NUP210L: variants seen among roughly 807,000 people sequenced by gnomAD.
NUP210L encodes nuclear pore membrane glycoprotein 210-like.
In NUP210L, 74 loss-of-function variants were observed where a neutral mutation model predicts 208.5. The ratio of observed to expected loss-of-function variants is 0.35; its 90% CI spans 0.29 to 0.43. The LOEUF is 0.43. NUP210L is among the 20% of genes least tolerant of loss of function. The pLI, the probability that NUP210L is intolerant of heterozygous loss-of-function variation, is 1.00. For missense variants in NUP210L, 1,843 were observed against 2,289.4 expected, an observed-to-expected ratio of 0.81 and a Z score of 3.98; for synonymous variants, 780 against 816.9, an observed-to-expected ratio of 0.95 and a Z score of 0.77.
At chr1:154,056,693 T>C (rs1035270258) in intron 23 of NUP210L, 122 bp downstream of exon 23, 2 of 962,430 alleles carry the variant, frequency 2.1e-6, no homozygotes, top group Admixed American at 3.0e-5. Context: ...AGTGCTCACA[T>C]GGTGGTGTGA....
At chr1:154,011,436 C>A (rs1650912717) in intron 34 of NUP210L, among the ~76,000 whole-genome samples, 1 of 151,578 alleles carries the variant, frequency 6.6e-6, no homozygotes, top group Non-Finnish European at 1.5e-5. Flanking sequence ...CTTAGCCAGG[C>A]TGGTCTCGAA....
chr1:154,104,258 T>A, intron 12 of NUP210L, 48 bp from the exon 13 acceptor site: 1 of 1,538,174 alleles, frequency 6.5e-7, no homozygotes, highest in Non-Finnish European at 9.0e-7. Flanking sequence ...TAAAAAAAAG[T>A]CTTAGGAGGA....
intron 12 of NUP210L, among the ~76,000 whole-genome samples, chr1:154,113,590 T>C (rs1229931869): frequency 6.6e-6 from 1 of 152,158 alleles, no homozygotes; most frequent in Non-Finnish European, 1.5e-5. Context: ...CCAGGCGTGG[T>C]GGCTCACGCC....
At chr1:154,060,512 T>A in intron 20 of NUP210L, 28 bp downstream of exon 20, 1 of 1,420,226 alleles carries the variant, frequency 7.0e-7, no homozygotes, top group South Asian at 1.2e-5. Flanking sequence ...CCTGAGACCA[T>A]CAATCTGGGA....
intron 27 of NUP210L, among the ~76,000 whole-genome samples, chr1:154,044,398 ACT>A (rs1221870882): frequency 1.6e-4 from 24 of 146,534 alleles, no homozygotes; most frequent in African/African-American, 5.2e-4. Flanking sequence ...AAAGAGGGAA[ACT>A]CTGTCTCAAA....
chr1:154,086,316 G>A (rs1488063451), intron 16 of NUP210L, among the ~76,000 whole-genome samples: 4 of 151,804 alleles, frequency 2.6e-5, no homozygotes, highest in Admixed American at 2.6e-4. Flanking sequence ...TGAACTCAAA[G>A]TGGATCAGAG....
rs1653479738 is a variant in NUP210L at position 154,051,247 on chromosome 1, T to C, written c.3483+2981A>G. 2.0e-5 allele frequency among the ~76,000 whole-genome samples: 3 copies of C among 152,280 alleles called. No individual in the cohort carries two copies. In the South Asian group the frequency reaches 6.2e-4, roughly 32 times the overall value. On this transcript the variant is annotated intron_variant, in intron 25 of 39. Transcript: ENST00000368559. ...TTTTTTGAGATGGAGTCTTGCTCTG[T>C]TGCCCAGGCTGGAGTGCAGTGGCGT...
intron 5 of NUP210L, among the ~76,000 whole-genome samples, chr1:154,138,458 G>A (rs1423047825): frequency 6.6e-6 from 1 of 151,934 alleles, no homozygotes; most frequent in East Asian, 1.9e-4. Flanking sequence ...CTCAGACTTA[G>A]AACAAAAAAG....
At chr1:153,995,457 G>A (rs1359180964) in intron 37 of NUP210L, among the ~76,000 whole-genome samples, 1 of 152,098 alleles carries the variant, frequency 6.6e-6, no homozygotes, top group African/African-American at 2.4e-5. Context: ...AACTATACTT[G>A]GCTCAACCGC....
chr1:154,064,800 C>T (rs566617737), intron 17 of NUP210L, among the ~76,000 whole-genome samples: 5 of 152,210 alleles, frequency 3.3e-5, no homozygotes, highest in Admixed American at 6.5e-5. Context: ...AGGCACTGGG[C>T]GTGGTGGCTC....
At chr1:154,148,949 GA>G (rs1659244394) in intron 2 of NUP210L, among the ~76,000 whole-genome samples, 2 of 152,098 alleles carry the variant, frequency 1.3e-5, no homozygotes, top group Admixed American at 1.3e-4. Context: ...TGTCAAATGA[GA>G]AATTAAAGCC....
At chr1:154,102,297 A>G (rs1282617108) in intron 13 of NUP210L, among the ~76,000 whole-genome samples, 1 of 152,232 alleles carries the variant, frequency 6.6e-6, no homozygotes, top group Non-Finnish European at 1.5e-5. Context: ...AACTAAAAGG[A>G]TTTTGGCTCC....
intron 27 of NUP210L, among the ~76,000 whole-genome samples, chr1:154,043,246 C>A (rs1054695022): frequency 1.3e-4 from 20 of 152,060 alleles, no homozygotes; most frequent in Admixed American, 2.6e-4. Flanking sequence ...TCTTGAACTC[C>A]TGGGCTCAAG....
chr1:154,128,407 C>T (rs1368403583), intron 8 of NUP210L, among the ~76,000 whole-genome samples: 1 of 152,014 alleles, frequency 6.6e-6, no homozygotes, highest in Non-Finnish European at 1.5e-5. Flanking sequence ...ATCATTTGAC[C>T]CCAGGAATTG....
chr1:154,012,417 C>G (rs1650978947), intron 33 of NUP210L, 47 bp from the exon 34 acceptor site: 1 of 1,590,212 alleles, frequency 6.3e-7, no homozygotes, highest in South Asian at 1.1e-5. Context: ...CCTAGAGAAT[C>G]TGACTCCTTC....
chr1:154,015,973 G>A (rs1036290851), intron 33 of NUP210L, among the ~76,000 whole-genome samples: 2 of 151,242 alleles, frequency 1.3e-5, no homozygotes, highest in African/African-American at 4.9e-5. Flanking sequence ...AAAAATAGAT[G>A]GCTAGGTGCA....
At chr1:154,048,583 G>A (rs558599082) in intron 25 of NUP210L, among the ~76,000 whole-genome samples, 1 of 152,194 alleles carries the variant, frequency 6.6e-6, no homozygotes. Flanking sequence ...CCTGGGCCCT[G>A]TTCCAAACCA....
At chr1:154,116,691 G>A (rs1657351867) in intron 12 of NUP210L, among the ~76,000 whole-genome samples, 1 of 151,968 alleles carries the variant, frequency 6.6e-6, no homozygotes, top group African/African-American at 2.4e-5. Context: ...TCATGCCATT[G>A]CCCTCCAGTC....
intron 27 of NUP210L, chr1:154,039,960 A>G (rs1438440623): frequency 4.6e-5 from 7 of 152,194 alleles, no homozygotes; most frequent in Non-Finnish European, 8.8e-5. Flanking sequence ...TCCTTGCGCA[A>G]GGGACATGCT....
Sources: allele counts gnomAD v4.1 joint callset (sites outside exome capture counted in the v4.1 genomes callset), GRCh38; gene constraint gnomAD v4.1.1; transcripts MANE v1.5; gene names NCBI Gene and HGNC (gene_info 2026-07-23, HGNC 2026-07-21).